Variants in PIK3CB observed in about 807,000 individuals in gnomAD.
PIK3CB encodes the protein phosphatidylinositol-4,5-bisphosphate 3-kinase catalytic subunit beta.
PIK3CB carries 39 observed loss-of-function variants against 136.8 expected under a neutral mutation model. The ratio of observed to expected loss-of-function variants is 0.29; its 90% CI spans 0.22 to 0.37. The LOEUF (loss-of-function observed/expected upper bound fraction) is 0.37. Among genes scored for constraint, PIK3CB ranks in the 10% least tolerant of loss-of-function variants. The probability of loss-of-function intolerance (pLI) is 1.00; values close to 1 mark genes in which losing one functional copy is unlikely to be tolerated. For synonymous variants in PIK3CB, 428 were observed against 436.6 expected, an observed-to-expected ratio of 0.98 and a Z score of 0.25; for missense variants, 868 against 1,275.4, an observed-to-expected ratio of 0.68 and a Z score of 4.87.
intron 4 of PIK3CB, among the ~76,000 whole-genome samples, chr3:138,752,182 C>T (rs1428954647): frequency 1.3e-5 from 2 of 151,584 alleles, no homozygotes; most frequent in Non-Finnish European, 2.9e-5. Flanking sequence ...AAACAGAACT[C>T]AAACAACAGC....
intron 14 of PIK3CB, among the ~76,000 whole-genome samples, chr3:138,692,594 G>T (rs1489552054): frequency 6.6e-6 from 1 of 152,130 alleles, no homozygotes; most frequent in Non-Finnish European, 1.5e-5. Context: ...AGAAAGTATA[G>T]GAATAGGAAG....
chr3:138,820,132 G>A lies in PIK3CB; in HGVS notation c.-122+14563C>T, dbSNP rs369573652. Among the ~76,000 whole-genome samples, 17 of 152,306 alleles carry A rather than the reference G, an allele frequency of 1.1e-4. No individual in the cohort carries two copies. The East Asian group carries it at 2.9e-3, about 26-fold the overall frequency. On this transcript the variant is annotated intron_variant, in intron 1 of 23. Coordinates refer to ENST00000674063, the MANE Select transcript of PIK3CB (RefSeq NM_006219.3). ...AAACAAATCTTTGCTTTGCAAGACT[G>A]TTGCACACTTTATATTACTAAGGCT...
At chr3:138,818,943 G>A (rs1576431297) in intron 1 of PIK3CB, among the ~76,000 whole-genome samples, 1 of 152,042 alleles carries the variant, frequency 6.6e-6, no homozygotes, top group South Asian at 2.1e-4. Context: ...GCTCTGGTAC[G>A]ACTACATTAT....
In PIK3CB at chr3:138,788,981, AAAAAAAAAAAAC is replaced by A. The variant is rs1376753868; in HGVS notation, c.-17+7470_-17+7481del. 1.7e-3 allele frequency among the ~76,000 whole-genome samples: 183 copies of A among 109,524 alleles called. 1 individual carries two copies. The highest frequency in any genetic ancestry group is 4.9e-3 in the African/African-American group (175 of 35,486). 71.9% of individuals were successfully genotyped at this position (109,524 alleles called of 152,430 possible). A position where few individuals can be genotyped will look rare whatever the true frequency, so the allele number is the denominator to read the frequency against. On this transcript the variant is annotated intron_variant, in intron 2 of 23. Coordinates refer to ENST00000674063, the MANE Select transcript of PIK3CB (RefSeq NM_006219.3). ...CTTCGTCTCAAAAAAAAAAAAAAAA[AAAAAAAAAAAAC>A]AAAAAACAACACCACAGAGTTTTTT...
chr3:138,714,484 C>A lies in PIK3CB; in HGVS notation c.1286G>T (p.Arg429Met), dbSNP rs1476574480. The A allele has an allele frequency of 1.2e-6, 2 of 1,607,616 alleles. No individual in the cohort carries two copies. Among genetic ancestry groups the A allele is most frequent in the Admixed American group, 3.4e-5 (2 of 59,508 alleles). The change falls in exon 9 of 24, where the codon AGG becomes ATG. Residue 429 changes from arginine (R) to methionine (M), a missense_variant. Physicochemically the swap from Arg to Met is moderately conservative, Grantham distance 91. Coordinates refer to ENST00000674063, the MANE Select transcript of PIK3CB (RefSeq NM_006219.3). ...TATCATTACCACTTTTCCAGCTTTC[C>A]TGATGGTCTGATATTTAGAGGGATT... is the stretch of plus-strand genomic sequence containing the variant. Reference protein sequence around the residue: ...TINPSKYQTIRKAGKVHYPVA... With the variant: ...TINPSKYQTIMKAGKVHYPVA...
At chr3:138,783,823 C>T (rs978885063) in intron 2 of PIK3CB, among the ~76,000 whole-genome samples, 1 of 151,716 alleles carries the variant, frequency 6.6e-6, no homozygotes, top group Non-Finnish European at 1.5e-5. Context: ...ATAAAATAAA[C>T]AACTTTTGAA....
chr3:138,815,281 CAGG>C (rs1451268979), intron 1 of PIK3CB, among the ~76,000 whole-genome samples: 16 of 135,346 alleles, frequency 1.2e-4, no homozygotes, highest in Non-Finnish European at 2.0e-4. Context: ...GCCTTGAGCT[CAGG>C]AGGCAGAGGT....
intron 2 of PIK3CB, among the ~76,000 whole-genome samples, chr3:138,787,215 C>T (rs1295166725): frequency 1.3e-5 from 2 of 151,934 alleles, no homozygotes; most frequent in Non-Finnish European, 2.9e-5. Context: ...TAAGAAGCTC[C>T]TATAGCTGGG....
chr3:138,804,575 T>C (rs2108849992), intron 1 of PIK3CB, among the ~76,000 whole-genome samples: 1 of 152,340 alleles, frequency 6.6e-6, no homozygotes, highest in Admixed American at 6.5e-5. Flanking sequence ...ACAATGATGT[T>C]TTCATTCTGA....
intron 10 of PIK3CB, among the ~76,000 whole-genome samples, chr3:138,708,274 T>C (rs930464163): frequency 6.8e-6 from 1 of 147,784 alleles, no homozygotes; most frequent in Admixed American, 6.7e-5. Flanking sequence ...TTTTTTTTTT[T>C]TTTTTTTTGA....
chr3:138,689,438 C>G (rs762231382), intron 15 of PIK3CB, among the ~76,000 whole-genome samples: 1 of 152,202 alleles, frequency 6.6e-6, no homozygotes, highest in Non-Finnish European at 1.5e-5. Context: ...GGATTATAGG[C>G]ATGCGCCACC....
chr3:138,832,840 AAAAAAAAAAC>A (rs1398382620), intron 1 of PIK3CB, among the ~76,000 whole-genome samples: 5 of 148,718 alleles, frequency 3.4e-5, no homozygotes, highest in Admixed American at 6.7e-5. Context: ...CAAAAAAAAA[AAAAAAAAAAC>A]AAAATTGAAA....
rs768593797 is a variant in PIK3CB, at chr3:138,688,868, C to A, written c.2136+7G>T. On this transcript the variant is annotated splice_region_variant and intron_variant, in intron 16 of 23. Coordinates refer to ENST00000674063, the MANE Select transcript of PIK3CB (RefSeq NM_006219.3). The stretch of plus-strand genomic sequence containing the variant: ...AGAAAAAATGAATAAATAAAACAAG[C>A]TGATACCTGCTTAGAAAGCACTTTC... 26 of 1,579,632 alleles carry A rather than the reference C, an allele frequency of 1.6e-5. No homozygotes were observed. Among genetic ancestry groups the A allele is most frequent in the Non-Finnish European group, 2.3e-5 (26 of 1,149,104 alleles).
At chr3:138,785,264 C>G (rs2045967909) in intron 2 of PIK3CB, among the ~76,000 whole-genome samples, 1 of 151,910 alleles carries the variant, frequency 6.6e-6, no homozygotes, top group Non-Finnish European at 1.5e-5. Flanking sequence ...CGGCAGCCGC[C>G]CCCTCCAGGA....
intron 4 of PIK3CB, among the ~76,000 whole-genome samples, chr3:138,753,890 A>G (rs774014819): frequency 1.2e-4 from 19 of 152,238 alleles, no homozygotes; most frequent in Non-Finnish European, 2.1e-4. Context: ...CTAAAAATCA[A>G]TGTGGTTCTG....
chr3:138,689,821 G>A (rs1432584392), intron 15 of PIK3CB, among the ~76,000 whole-genome samples: 1 of 152,108 alleles, frequency 6.6e-6, no homozygotes, highest in Non-Finnish European at 1.5e-5. Flanking sequence ...ATTCCAAGAA[G>A]TCTAAAATGT....
chr3:138,756,043 G>A (rs1386916445), intron 3 of PIK3CB, 64 bp from the exon 4 acceptor site: 3 of 839,952 alleles, frequency 3.6e-6, no homozygotes, highest in Non-Finnish European at 6.0e-6. Context: ...AAAGATATAA[G>A]GATGCTCACT....
At chr3:138,802,328 C>T (rs372958333) in intron 1 of PIK3CB, among the ~76,000 whole-genome samples, 3 of 149,688 alleles carry the variant, frequency 2.0e-5, no homozygotes, top group African/African-American at 7.4e-5. Context: ...TGCAGTGAGC[C>T]GAGATCGCGC....
chr3:138,754,956 T>C (rs2045538325), intron 4 of PIK3CB, among the ~76,000 whole-genome samples: 1 of 152,160 alleles, frequency 6.6e-6, no homozygotes, highest in Admixed American at 6.6e-5. Context: ...AGCAAGATAT[T>C]GATAAAACAT....
Sources: gnomAD v4.1 joint callset for allele counts (sites outside exome capture counted in the v4.1 genomes callset) on GRCh38, gnomAD v4.1.1 for gene constraint, MANE v1.5 for transcripts, NCBI Gene and HGNC (gene_info 2026-07-23, HGNC 2026-07-21) for gene names.